Variants in MACROD2 observed in about 807,000 individuals in gnomAD.
MACROD2 encodes the protein mono-ADP ribosylhydrolase 2.
Under a neutral mutation model 70.4 loss-of-function variants are expected in MACROD2, and 36 were observed. The observed-to-expected ratio is 0.51, with a 90% CI of 0.39 to 0.68. The LOEUF is 0.68. MACROD2 is among the 30% of genes least tolerant of loss of function. The pLI is 0.00. For missense variants in MACROD2, 496 were observed against 538.4 expected (o/e 0.92, Z 0.78); for synonymous variants, 172 against 178.8 (o/e 0.96, Z 0.30).
At chr20:15,603,006 T>TG (rs2048843689) in intron 8 of MACROD2, among the ~76,000 whole-genome samples, 1 of 152,000 alleles carries the variant, frequency 6.6e-6, no homozygotes, top group African/African-American at 2.4e-5. Context: ...GGTGTAAGTG[T>TG]GGGTGTGAGT....
chr20:15,346,371 C>A (rs1376570967), intron 6 of MACROD2, among the ~76,000 whole-genome samples: 1 of 152,114 alleles, frequency 6.6e-6, no homozygotes, highest in Non-Finnish European at 1.5e-5. Flanking sequence ...GCCCTGGGAA[C>A]CCATGCAGGC....
chr20:15,159,565 C>T (rs2076333302), intron 5 of MACROD2, among the ~76,000 whole-genome samples: 1 of 151,834 alleles, frequency 6.6e-6, no homozygotes, highest in African/African-American at 2.4e-5. Context: ...TTGAGGAAGA[C>T]CAAATGGAAG....
At chr20:15,705,298 A>G (rs2050516766) in intron 8 of MACROD2, among the ~76,000 whole-genome samples, 1 of 152,180 alleles carries the variant, frequency 6.6e-6, no homozygotes. Flanking sequence ...GGATTCAGGT[A>G]TTGGTATTTT....
intron 5 of MACROD2, among the ~76,000 whole-genome samples, chr20:14,858,723 G>A: frequency 6.6e-6 from 1 of 152,086 alleles, no homozygotes; most frequent in East Asian, 1.9e-4. Flanking sequence ...AAAGATTGCA[G>A]CATACTCTAC....
At chr20:14,727,629 G>C (rs1333384640) in intron 5 of MACROD2, among the ~76,000 whole-genome samples, 1 of 152,120 alleles carries the variant, frequency 6.6e-6, no homozygotes, top group African/African-American at 2.4e-5. Context: ...AGTCTCATTT[G>C]CTGTTACCTG....
chr20:16,008,854 T>C (rs1733677126), intron 15 of MACROD2, among the ~76,000 whole-genome samples: 1 of 152,164 alleles, frequency 6.6e-6, no homozygotes, highest in African/African-American at 2.4e-5. Flanking sequence ...TCCTGCCATA[T>C]AATTACTTTG....
intron 5 of MACROD2, among the ~76,000 whole-genome samples, chr20:15,074,515 G>C (rs960693787): frequency 6.6e-6 from 1 of 152,118 alleles, no homozygotes; most frequent in Non-Finnish European, 1.5e-5. Context: ...TGGGAACCTC[G>C]ATTTAGAGCT....
chr20:14,507,459 C>A (rs2084981428), intron 4 of MACROD2, among the ~76,000 whole-genome samples: 1 of 152,048 alleles, frequency 6.6e-6, no homozygotes, highest in African/African-American at 2.4e-5. Flanking sequence ...TCTGGAGATG[C>A]AGAATTGTGT....
At chr20:14,101,546 C>T (rs2054302511) in intron 3 of MACROD2, among the ~76,000 whole-genome samples, 1 of 151,860 alleles carries the variant, frequency 6.6e-6, no homozygotes, top group Non-Finnish European at 1.5e-5. Context: ...CATTTAGGTC[C>T]TTATTAGAGA....
intron 6 of MACROD2, among the ~76,000 whole-genome samples, chr20:15,401,838 A>C (rs2045934820): frequency 6.6e-6 from 1 of 152,168 alleles, no homozygotes; most frequent in Non-Finnish European, 1.5e-5. Flanking sequence ...TCAGATGGAG[A>C]CCTTGGGGGA....
At chr20:15,401,931 G>A (rs918900232) in intron 6 of MACROD2, among the ~76,000 whole-genome samples, 1 of 152,194 alleles carries the variant, frequency 6.6e-6, no homozygotes, top group African/African-American at 2.4e-5. Context: ...CAAGGATTGT[G>A]TGAAGTTTGT....
At chr20:14,769,261 A>C (rs1486320897) in intron 5 of MACROD2, among the ~76,000 whole-genome samples, 1 of 152,070 alleles carries the variant, frequency 6.6e-6, no homozygotes, top group African/African-American at 2.4e-5. Context: ...TGAATTCTTT[A>C]GTGTAAAGAG....
intron 4 of MACROD2, among the ~76,000 whole-genome samples, chr20:14,495,799 A>T (rs1007741336): frequency 7.2e-5 from 11 of 152,150 alleles, no homozygotes; most frequent in African/African-American, 1.9e-4. Flanking sequence ...TATTTTAGTG[A>T]CTTCCTCTAG....
At chr20:15,901,799 G>A (rs537962990) in intron 10 of MACROD2, among the ~76,000 whole-genome samples, 6 of 152,262 alleles carry the variant, frequency 3.9e-5, no homozygotes, top group African/African-American at 1.4e-4. Flanking sequence ...GAGGAAAGAG[G>A]TGGTCTCTAG....
At chr20:16,007,793 G>A (rs1175442938) in intron 15 of MACROD2, among the ~76,000 whole-genome samples, 1 of 152,080 alleles carries the variant, frequency 6.6e-6, no homozygotes, top group Non-Finnish European at 1.5e-5. Flanking sequence ...TTTCCCCTCT[G>A]AGCTGCTCTG....
chr20:14,538,553 C>T (rs1423149946), intron 4 of MACROD2, among the ~76,000 whole-genome samples: 2 of 152,182 alleles, frequency 1.3e-5, no homozygotes, highest in African/African-American at 4.8e-5. Context: ...TGAGCCTGCT[C>T]TTGCCTGTCT....
intron 8 of MACROD2, among the ~76,000 whole-genome samples, chr20:15,525,850 C>A (rs551361682): frequency 6.6e-6 from 1 of 152,192 alleles, no homozygotes; most frequent in Non-Finnish European, 1.5e-5. Context: ...CAGCTGGATA[C>A]TCCTTATAGG....
chr20:14,918,953 C>T (rs946678703), intron 5 of MACROD2, among the ~76,000 whole-genome samples: 5 of 152,144 alleles, frequency 3.3e-5, no homozygotes, highest in South Asian at 2.1e-4. Context: ...CCCCCAACCC[C>T]CTGAGACTCA....
intron 3 of MACROD2, among the ~76,000 whole-genome samples, chr20:14,459,158 A>G (rs1380495226): frequency 6.7e-6 from 1 of 149,418 alleles, no homozygotes; most frequent in African/African-American, 2.4e-5. Context: ...AAAATTTTCC[A>G]TTTCCTTTAG....
Sources: allele counts gnomAD v4.1 joint callset (sites outside exome capture counted in the v4.1 genomes callset), GRCh38; gene constraint gnomAD v4.1.1; transcripts MANE v1.5; gene names NCBI Gene and HGNC (gene_info 2026-07-23, HGNC 2026-07-21).